LAMC2: variants seen among roughly 807,000 people sequenced by gnomAD.
LAMC2 encodes the protein laminin subunit gamma 2, also known as laminin subunit gamma-2.
A neutral mutation model predicts 140.2 loss-of-function variants in LAMC2; 97 were observed. The observed-to-expected ratio is 0.69, with a 90% confidence interval of 0.59 to 0.82. The LOEUF (loss-of-function observed/expected upper bound fraction) is 0.82. LAMC2 is among the 40% of genes least tolerant of loss of function. The probability of loss-of-function intolerance (pLI) is 0.00; values close to 1 mark genes in which losing one functional copy is unlikely to be tolerated. For synonymous variants in LAMC2, 513 were observed against 540.2 expected (o/e 0.95, Z 0.70); for missense variants, 1,402 against 1,476.1 (o/e 0.95, Z 0.82).
chr1:183,236,024 G>A (rs910333643), intron 16 of LAMC2, among the ~76,000 whole-genome samples: 4 of 152,142 alleles, frequency 2.6e-5, no homozygotes, highest in Non-Finnish European at 4.4e-5. Flanking sequence ...CTGATGGCAT[G>A]GGGAGATATA....
chr1:183,247,311 T>TCAAAA (rs1224481905), downstream of LAMC2, among the ~76,000 whole-genome samples: 6 of 151,948 alleles, frequency 3.9e-5, no homozygotes, highest in East Asian at 1.2e-3. Context: ...AAACTCTGTC[T>TCAAAA]CGAAACAAAA....
rs57976149 is a variant in LAMC2, at chr1:183,212,468, C to T, written c.269-2985C>T. Among the ~76,000 whole-genome samples the T allele has an allele frequency of 4.9e-3, 753 of 152,234 alleles. 7 individuals carry two copies. The highest frequency in any genetic ancestry group is 0.018 in the African/African-American group (729 of 41,538). Reference sequence around the variant, plus strand: ...TCCTCCCCTCACCCTCCTTAGACCTCTCCTCCCTGCCTTCCATTGCTCATT... The same window carrying T: ...TCCTCCCCTCACCCTCCTTAGACCTTTCCTCCCTGCCTTCCATTGCTCATT... On this transcript the variant is annotated intron_variant, in intron 2 of 22. Coordinates refer to ENST00000264144, the MANE Select transcript of LAMC2 (RefSeq NM_005562.3).
chr1:183,203,119 T>G (rs1278748862), intron 1 of LAMC2, among the ~76,000 whole-genome samples: 1 of 152,254 alleles, frequency 6.6e-6, no homozygotes, highest in Non-Finnish European at 1.5e-5. Context: ...ATATATATTT[T>G]TTTAATTTTG....
rs543109700 is a variant in LAMC2 at position 183,212,390 on chromosome 1, C to T, written c.269-3063C>T. On this transcript the variant is annotated intron_variant, in intron 2 of 22. Coordinates refer to ENST00000264144, the MANE Select transcript of LAMC2 (RefSeq NM_005562.3). ...AAACCAAATAGCCTCTCTTCATTCT[C>T]ATCTTATTTAAAAGCTCTCTTGCCT... Among the ~76,000 whole-genome samples, 17 of 152,318 alleles carry T rather than the reference C, an allele frequency of 1.1e-4. No homozygotes were observed. In the South Asian group the frequency reaches 3.1e-3, roughly 28 times the overall value.
intron 6 of LAMC2, 63 bp from the exon 7 acceptor site, chr1:183,223,072 T>C (rs1051270829): frequency 6.7e-7 from 1 of 1,499,974 alleles, no homozygotes; most frequent in Non-Finnish European, 9.3e-7. Flanking sequence ...CAGTGCAAAC[T>C]TGCATGTGTT....
intron 6 of LAMC2, 24 bp from the exon 7 acceptor site, chr1:183,223,111 A>G: frequency 6.2e-7 from 1 of 1,611,306 alleles, no homozygotes; most frequent in Admixed American, 1.7e-5. Flanking sequence ...ACTGATCTCA[A>G]TCTTTTAAAA....
At chr1:183,251,318 A>G in the LAMC2 span, 97 of 151,262 alleles carry the variant, frequency 6.4e-4, no homozygotes, top group African/African-American at 2.3e-3. Context: ...AACTGACCTC[A>G]TGCACTGTCT....
chr1:183,226,664 A>G, intron 8 of LAMC2, 34 bp from the exon 9 acceptor site: 1 of 1,558,778 alleles, frequency 6.4e-7, no homozygotes, highest in Non-Finnish European at 8.9e-7. Context: ...AGACTGTACC[A>G]CTTGCAACTT....
At chr1:183,223,875 G>T (rs1282325354) in intron 7 of LAMC2, among the ~76,000 whole-genome samples, 1 of 152,160 alleles carries the variant, frequency 6.6e-6, no homozygotes, top group Non-Finnish European at 1.5e-5. Flanking sequence ...TACAGGGATT[G>T]CACAGTATCC....
In LAMC2 at chr1:183,238,292, T is replaced by C; in HGVS notation, c.2755-15T>C. The C allele has an allele frequency of 1.3e-6, 2 of 1,596,076 alleles. No homozygotes were observed. Among genetic ancestry groups the C allele is most frequent in the Non-Finnish European group, 1.7e-6 (2 of 1,163,756 alleles). ...ATGTACTTCCTCTAATCTTGTTCTA[T>C]CTGCCTTTTTACAGAAATCAGATCA... On this transcript the variant is annotated splice_polypyrimidine_tract_variant and intron_variant, in intron 18 of 22. Transcript: ENST00000264144.
In LAMC2 at chr1:183,230,839, T is replaced by C. The variant is rs1659777294; in HGVS notation, c.1715-122T>C. The C allele has an allele frequency of 4.5e-6, 5 of 1,099,886 alleles. No individual in the cohort carries two copies. The African/African-American group carries it at 6.1e-5, about 14-fold the overall frequency. 68.1% of individuals were successfully genotyped at this position (1,099,886 alleles called of 1,614,324 possible). ...CTAAGACCTATCTGTATTAAGAAGG[T>C]GCATGGAGGTATAAAAGGATTCTCT... On this transcript the variant is annotated intron_variant, in intron 11 of 22. Coordinates refer to ENST00000264144, the MANE Select transcript of LAMC2 (RefSeq NM_005562.3).
At chr1:183,215,962 C>T (rs941431819) in intron 3 of LAMC2, among the ~76,000 whole-genome samples, 12 of 152,098 alleles carry the variant, frequency 7.9e-5, no homozygotes, top group African/African-American at 2.7e-4. Flanking sequence ...CCATTTTGGC[C>T]CCAGTGAATT....
chr1:183,248,274 C>G (rs200629411), downstream of LAMC2: 1 of 152,594 alleles, frequency 6.6e-6, no homozygotes, highest in Non-Finnish European at 1.5e-5. Flanking sequence ...ATAATTGAAA[C>G]ATTTTGCATA....
In LAMC2 at chr1:183,238,337, C is replaced by A; in HGVS notation, c.2785C>A (p.Leu929Ile). ...AGATCAGCTGCTTTCCCGTGCCAAT[C>A]TTGCTAAAAGCAGAGCACAAGAAGC... Reference protein sequence around the residue: ...KSDQLLSRANLAKSRAQEALS... With the variant: ...KSDQLLSRANIAKSRAQEALS... The change falls in exon 19 of 23, where the codon CTT (leucine) becomes ATT (isoleucine). Residue 929 changes from leucine (L) to isoleucine (I), a missense_variant. This residue lies in a region of LAMC2 where 670 missense variants were observed against 667.2 expected (regional missense o/e 1.00). Coordinates refer to ENST00000264144, the MANE Select transcript of LAMC2 (RefSeq NM_005562.3). 1 of 1,614,056 alleles carries A rather than the reference C, an allele frequency of 6.2e-7. No homozygotes were observed. The highest frequency in any genetic ancestry group is 8.5e-7 in the Non-Finnish European group (1 of 1,179,940).
rs765964230 is a variant in LAMC2 at position 183,237,365 on chromosome 1, A to G, written c.2615A>G (p.Lys872Arg). 1.9e-6 allele frequency: 3 copies of G among 1,614,208 alleles called. No homozygotes were observed. The South Asian group carries it at 3.3e-5, about 18-fold the overall frequency. The change falls in exon 18 of 23, where the codon AAG becomes AGG. Residue 872 changes from lysine to arginine, a missense_variant. Physicochemically the swap from Lys to Arg is conservative, Grantham distance 26. Coordinates refer to ENST00000264144, the MANE Select transcript of LAMC2 (RefSeq NM_005562.3). ...SDQSFQVEEAKRIKQKADSLS... is the reference protein window; with the variant it reads ...SDQSFQVEEARRIKQKADSLS... ...TTGGGCTCATAGGTGGAAGAAGCAA[A>G]GAGGATCAAACAAAAAGCGGATTCA...
intron 13 of LAMC2, 77 bp downstream of exon 13, chr1:183,232,420 T>G: frequency 2.0e-6 from 3 of 1,481,534 alleles, no homozygotes; most frequent in Non-Finnish European, 2.8e-6. Flanking sequence ...GGTCATAGAA[T>G]CTTCTATGGA....
Position 183,226,767 on chromosome 1 carries a change from T to C in LAMC2, c.1136T>C (p.Val379Ala). The change falls in exon 9 of 23, where the codon GTT becomes GCT. Residue 379 changes from valine to alanine, a missense_variant. Val to Ala is a moderately conservative substitution (Grantham distance 64). Transcript: ENST00000264144. ...RPVSGAPAPW[V>A]EQCICPVGYK... is the part of the protein sequence containing the mutation. ...GTCTCTGGAGCCCCAGCACCCTGGG[T>C]TGAACAGTGTATATGTCCTGTTGGG... 1 of 1,614,216 alleles carries C rather than the reference T, an allele frequency of 6.2e-7. No individual in the cohort carries two copies. The highest frequency in any genetic ancestry group is 1.1e-5 in the South Asian group (1 of 91,084).
intron 1 of LAMC2, among the ~76,000 whole-genome samples, chr1:183,191,077 A>G (rs1006752841): frequency 6.6e-6 from 1 of 152,220 alleles, no homozygotes; most frequent in South Asian, 2.1e-4. Flanking sequence ...TAAGTCTCCA[A>G]TACATTGATT....
In LAMC2 at chr1:183,226,612, A is replaced by C. The variant is rs574663100; in HGVS notation, c.1067-86A>C. Reference sequence around the variant, plus strand: ...CACCACCTGTCTTTGTTAGGGAGTTAAGAAAAATAAAATCCCAAGAGAGAT... The same window carrying C: ...CACCACCTGTCTTTGTTAGGGAGTTCAGAAAAATAAAATCCCAAGAGAGAT... On this transcript the variant is annotated intron_variant, in intron 8 of 22. Coordinates refer to ENST00000264144, the MANE Select transcript of LAMC2 (RefSeq NM_005562.3). The C allele has an allele frequency of 5.1e-5, 60 of 1,184,214 alleles. No individual in the cohort carries two copies. The South Asian group carries it at 6.6e-4, about 13-fold the overall frequency. The allele number at this position is 1,184,214 out of a possible 1,614,324, so 73.4% of individuals were successfully genotyped here.
Sources: allele counts gnomAD v4.1 joint callset (sites outside exome capture counted in the v4.1 genomes callset), GRCh38; gene constraint gnomAD v4.1.1; regional missense constraint gnomAD v4.1.1; transcripts MANE v1.5; gene names NCBI Gene and HGNC (gene_info 2026-07-23, HGNC 2026-07-21).